The following DPYSL5 variants were observed in gnomAD, a reference collection of about 807,000 sequenced individuals.
DPYSL5 encodes the protein dihydropyrimidinase-related protein 5.
A neutral mutation model predicts 58.4 loss-of-function variants in DPYSL5; 9 were observed. The observed-to-expected ratio is 0.15, with a 90% CI of 0.09 to 0.27. The LOEUF (loss-of-function observed/expected upper bound fraction) is 0.27, where lower values mean the gene tolerates loss of function less well. DPYSL5 is among the 10% of genes least tolerant of loss of function. DPYSL5 has a pLI of 1.00. For synonymous variants in DPYSL5, 293 were observed against 301.9 expected, an observed-to-expected ratio of 0.97 and a Z score of 0.31; for missense variants, 499 against 770.6, an observed-to-expected ratio of 0.65 and a Z score of 4.17.
chr2:26,860,040 T>A (rs115190214), intron 1 of DPYSL5, among the ~76,000 whole-genome samples: 2 of 152,128 alleles, frequency 1.3e-5, no homozygotes, highest in Non-Finnish European at 2.9e-5. Context: ...TTGGGTAAAG[T>A]CATTTTATCT....
At chr2:26,861,739 TC>T (rs1666022934) in intron 1 of DPYSL5, among the ~76,000 whole-genome samples, 2 of 152,138 alleles carry the variant, frequency 1.3e-5, no homozygotes, top group Non-Finnish European at 2.9e-5. Flanking sequence ...ATTCATGCCA[TC>T]CCCCGGCCAT....
chr2:26,932,021 A>AAAAGAAATAAAAG (rs1665003821), intron 6 of DPYSL5, among the ~76,000 whole-genome samples: 10 of 137,084 alleles, frequency 7.3e-5, no homozygotes, highest in African/African-American at 2.7e-4. Flanking sequence ...AAAAAAAAAA[A>AAAAGAAATAAAAG]AAAAGAAAGA....
intron 1 of DPYSL5, among the ~76,000 whole-genome samples, chr2:26,885,154 G>A (rs1352480349): frequency 2.0e-5 from 3 of 152,058 alleles, no homozygotes; most frequent in South Asian, 2.1e-4. Flanking sequence ...AGCTCGGATC[G>A]TGCCATTGCA....
rs564764821 is a variant in DPYSL5, at chr2:26,892,738, T to C, written c.-4-5758T>C. Among the ~76,000 whole-genome samples the C allele has an allele frequency of 2.1e-5, 3 of 142,984 alleles. 1 individual carries two copies. The highest frequency in any genetic ancestry group is 4.5e-4 in the South Asian group (2 of 4,494). The allele number at this position is 142,984 out of a possible 152,430, so 93.8% of individuals were successfully genotyped here. ...TTAAGGTGAGGATTATATCTTTGCA[T>C]AGAGCATTGGGTTTGTTTGAGAGAG... is the stretch of plus-strand genomic sequence containing the variant. On this transcript the variant is annotated intron_variant, in intron 1 of 12. Coordinates refer to ENST00000288699, the MANE Select transcript of DPYSL5 (RefSeq NM_020134.4).
intron 1 of DPYSL5, among the ~76,000 whole-genome samples, chr2:26,858,175 T>TA: frequency 6.6e-6 from 1 of 150,966 alleles, no homozygotes; most frequent in South Asian, 2.1e-4. Flanking sequence ...TTAACATTTT[T>TA]TTTTTTTTTT....
Position 26,947,009 on chromosome 2 carries a change from C to G in DPYSL5, c.*14C>G. 1.3e-6 allele frequency: 2 copies of G among 1,597,304 alleles called. No individual in the cohort carries two copies. Among genetic ancestry groups the G allele is most frequent in the Non-Finnish European group, 1.7e-6 (2 of 1,166,000 alleles). ...GGCATTTGGTAAAGGCATTGCCAAG[C>G]CCCCCGAGTGAGGACGCACCGCCGC... On this transcript the variant is annotated 3_prime_UTR_variant, in exon 13 of 13. Transcript: ENST00000288699. This position sits in a 1 kb window ranked among gnomAD's most constrained non-coding sequence, Gnocchi z 4.2.
chr2:26,889,163 C>T (rs1384301507), intron 1 of DPYSL5, among the ~76,000 whole-genome samples: 1 of 152,104 alleles, frequency 6.6e-6, no homozygotes, highest in Non-Finnish European at 1.5e-5. Flanking sequence ...AGCCAGAGGG[C>T]CAGATATTGA....
chr2:26,914,803 C>T (rs12612619), intron 2 of DPYSL5, among the ~76,000 whole-genome samples: 58,430 of 151,892 alleles, frequency 0.38, 11,651 homozygotes, highest in Admixed American at 0.54. Context: ...TACTCACCTA[C>T]GGGGAGCAGG....
Position 26,849,338 on chromosome 2 carries a change from C to A in DPYSL5, c.-5+1084C>A, listed in dbSNP as rs1049320339. Among the ~76,000 whole-genome samples, 13 of 151,696 alleles carry A rather than the reference C, an allele frequency of 8.6e-5. No homozygotes were observed. Among genetic ancestry groups the A allele is most frequent in the South Asian group, 4.2e-4 (2 of 4,798 alleles). ...AGGGGGGCCTCCTGGGAAGGGGAGC[C>A]TCCCGAGGAGGGAGGGGCAAGCAGC... On this transcript the variant is annotated intron_variant, in intron 1 of 12. Coordinates refer to ENST00000288699, the MANE Select transcript of DPYSL5 (RefSeq NM_020134.4). The surrounding 1 kb of genome is among the most constrained non-coding windows in gnomAD (Gnocchi z 6.2).
At chr2:26,886,503 C>G (rs1663724339) in intron 1 of DPYSL5, among the ~76,000 whole-genome samples, 1 of 152,188 alleles carries the variant, frequency 6.6e-6, no homozygotes, top group African/African-American at 2.4e-5. Context: ...GAAGTAACTA[C>G]TAATTATACA....
At chr2:26,901,936 C>T (rs546558201) in intron 2 of DPYSL5, among the ~76,000 whole-genome samples, 6 of 152,202 alleles carry the variant, frequency 3.9e-5, no homozygotes, top group Non-Finnish European at 7.4e-5. Flanking sequence ...GCCCACGCCT[C>T]GCTGGCCCCA....
intron 2 of DPYSL5, among the ~76,000 whole-genome samples, chr2:26,901,160 C>G (rs542367595): frequency 6.6e-6 from 1 of 152,278 alleles, no homozygotes; most frequent in African/African-American, 2.4e-5. Flanking sequence ...CTCAGGAGCC[C>G]CAGTCCATGT....
rs1053289218 is a variant in DPYSL5, at chr2:26,936,765, G to A, written c.947+2031G>A. 4.0e-5 allele frequency among the ~76,000 whole-genome samples: 6 copies of A among 151,226 alleles called. No homozygotes were observed. In the South Asian group the frequency reaches 6.3e-4, roughly 16 times the overall value. On this transcript the variant is annotated intron_variant, in intron 8 of 12. Coordinates refer to ENST00000288699, the MANE Select transcript of DPYSL5 (RefSeq NM_020134.4). ...TCAGGAGTTCAGCCTGGCCAACATG[G>A]TAAAATCCTGTCTCTACTAAAAATA...
Position 26,949,934 on chromosome 2 carries a change from T to TG in DPYSL5, c.*2940dup, listed in dbSNP as rs1665594215. 6.6e-6 allele frequency: 1 copy of TG among 152,612 alleles called. No homozygotes were observed. Among genetic ancestry groups the TG allele is most frequent in the Non-Finnish European group, 1.5e-5 (1 of 68,360 alleles). The allele number at this position is 152,612 out of a possible 1,614,324, so 9.5% of individuals were successfully genotyped here. A position where few individuals can be genotyped will look rare whatever the true frequency, so the allele number is the denominator to read the frequency against. On this transcript the variant is annotated 3_prime_UTR_variant, in exon 13 of 13. Coordinates refer to ENST00000288699, the MANE Select transcript of DPYSL5 (RefSeq NM_020134.4). ...GGTCTTGTACTTGCTGAATAAATAC[T>TG]GTTGTTCTTGCCTTAGCTGCTCTCT...
rs775738245 is a variant in DPYSL5 at position 26,927,205 on chromosome 2, C to T, written c.421-48C>T. The T allele has an allele frequency of 6.4e-7, 1 of 1,570,592 alleles. No homozygotes were observed. Among genetic ancestry groups the T allele is most frequent in the Non-Finnish European group, 8.7e-7 (1 of 1,154,348 alleles). ...TGGGCCGGTGCCTGCCAGTCGGCCT[C>T]TTGGGTGTCTGCCCTCACGCAGCAT... On this transcript the variant is annotated intron_variant, in intron 3 of 12. Coordinates refer to ENST00000288699, the MANE Select transcript of DPYSL5 (RefSeq NM_020134.4). This position sits in a 1 kb window ranked among gnomAD's most constrained non-coding sequence, Gnocchi z 4.3.
rs1665892875 is a variant in DPYSL5 at position 26,856,908 on chromosome 2, A to T, written c.-5+8654A>T. ...AATTATATATATTATATATACATATATAATATATGTAATAAATATTATATA... is the reference window on the plus strand; with the variant it reads ...AATTATATATATTATATATACATATTTAATATATGTAATAAATATTATATA... On this transcript the variant is annotated intron_variant, in intron 1 of 12. Coordinates refer to ENST00000288699, the MANE Select transcript of DPYSL5 (RefSeq NM_020134.4). Among the ~76,000 whole-genome samples the T allele has an allele frequency of 2.7e-5, 4 of 147,936 alleles. No individual in the cohort carries two copies. In the South Asian group the frequency reaches 8.4e-4, roughly 31 times the overall value.
At chr2:26,946,533 T>C (rs901868922) in intron 12 of DPYSL5, among the ~76,000 whole-genome samples, 6 of 152,146 alleles carry the variant, frequency 3.9e-5, no homozygotes, top group African/African-American at 1.2e-4. Flanking sequence ...TGGCATACCC[T>C]CATTTTTCTC....
chr2:26,901,734 T>C (rs925373318), intron 2 of DPYSL5, among the ~76,000 whole-genome samples: 3 of 152,102 alleles, frequency 2.0e-5, no homozygotes, highest in African/African-American at 7.2e-5. Context: ...GTCAGACAGA[T>C]AGCGGGGCCC....
Position 26,933,805 on chromosome 2 carries a change from A to G in DPYSL5, c.790+472A>G, listed in dbSNP as rs755471817. Among the ~76,000 whole-genome samples the G allele has an allele frequency of 4.6e-5, 7 of 152,074 alleles. No homozygotes were observed. Among genetic ancestry groups the G allele is most frequent in the African/African-American group, 7.2e-5 (3 of 41,394 alleles). On this transcript the variant is annotated intron_variant, in intron 7 of 12. Coordinates refer to ENST00000288699, the MANE Select transcript of DPYSL5 (RefSeq NM_020134.4). The surrounding 1 kb of genome is among the most constrained non-coding windows in gnomAD (Gnocchi z 4.2). ...AACCCTGTGTATGAGTCCGAGGGGC[A>G]CTTGTATGGCTTCTGTTGCGGATCG...
Sources: gnomAD v4.1 joint callset for allele counts (sites outside exome capture counted in the v4.1 genomes callset) on GRCh38, gnomAD v4.1.1 for gene constraint, Gnocchi (gnomAD v3.1) non-coding constraint, MANE v1.5 for transcripts, NCBI Gene and HGNC (gene_info 2026-07-23, HGNC 2026-07-21) for gene names.